Variants in KCNG3 observed in about 807,000 individuals in gnomAD.
KCNG3 encodes voltage-gated potassium channel regulatory subunit KCNG3.
KCNG3 carries 15 observed loss-of-function variants against 29.0 expected under a neutral mutation model. That is an observed-to-expected ratio of 0.52 (90% CI 0.35 to 0.80). The LOEUF (loss-of-function observed/expected upper bound fraction) is 0.80, where lower values mean the gene tolerates loss of function less well. KCNG3 is among the 30% of genes least tolerant of loss of function. The pLI is 0.01. For synonymous variants in KCNG3, 322 were observed against 248.9 expected (o/e 1.29, Z -2.76); for missense variants, 512 against 605.7 (o/e 0.85, Z 1.62).
At chr2:42,448,317 C>T (rs1017852571) in intron 1 of KCNG3, among the ~76,000 whole-genome samples, 1 of 151,812 alleles carries the variant, frequency 6.6e-6, no homozygotes, top group African/African-American at 2.4e-5. Flanking sequence ...AACTATAGCC[C>T]GGGGTCTAAA....
At chr2:42,407,024 T>TAA in the KCNG3 span, among the ~76,000 whole-genome samples, 2 of 150,678 alleles carry the variant, frequency 1.3e-5, no homozygotes, top group Non-Finnish European at 3.0e-5. Flanking sequence ...GGTCCACTGT[T>TAA]AAAAAAAAAC....
chr2:42,476,787 G>A (rs948393822), intron 1 of KCNG3, among the ~76,000 whole-genome samples: 13 of 151,398 alleles, frequency 8.6e-5, no homozygotes, highest in Non-Finnish European at 1.5e-5. Context: ...ACCATGCCCG[G>A]ACAAAATAAA....
chr2:42,396,207 T>C, the KCNG3 span, among the ~76,000 whole-genome samples: 3 of 152,200 alleles, frequency 2.0e-5, no homozygotes, highest in African/African-American at 7.2e-5. Context: ...TTTTGCATCA[T>C]TGCAAATTCA....
intron 1 of KCNG3, among the ~76,000 whole-genome samples, chr2:42,458,098 G>C (rs376559189): frequency 6.6e-6 from 1 of 152,048 alleles, no homozygotes; most frequent in Non-Finnish European, 1.5e-5. Flanking sequence ...TTCCTCACTT[G>C]ATACTATTTT....
downstream of KCNG3, among the ~76,000 whole-genome samples, chr2:42,439,222 T>C (rs941787327): frequency 2.1e-4 from 31 of 150,432 alleles, no homozygotes; most frequent in Non-Finnish European, 2.8e-4. Context: ...ATTTTTATTA[T>C]AAAAATAAAC....
In KCNG3 at chr2:42,493,761, C is replaced by T. The variant is rs2103622885; in HGVS notation, c.-260G>A. 3.2e-6 allele frequency: 1 copy of T among 313,166 alleles called. No homozygotes were observed. Among genetic ancestry groups the T allele is most frequent in the Admixed American group, 5.0e-5 (1 of 19,824 alleles). 19.4% of individuals were successfully genotyped at this position (313,166 alleles called of 1,614,324 possible). A position where few individuals can be genotyped will look rare whatever the true frequency, so the allele number is the denominator to read the frequency against. On this transcript the variant is annotated 5_prime_UTR_variant, in exon 1 of 2. Coordinates refer to ENST00000306078, the MANE Select transcript of KCNG3 (RefSeq NM_133329.6). ...CCTCGCCGGCGCCAGCGCTGAGCCC[C>T]ACCGGCTGGGAACGCGGCTGTGTCC...
intron 1 of KCNG3, among the ~76,000 whole-genome samples, chr2:42,458,515 T>C (rs866090014): frequency 2.6e-5 from 4 of 151,726 alleles, no homozygotes; most frequent in Non-Finnish European, 3.0e-5. Flanking sequence ...AAGGCAACAA[T>C]ACCTGTCCTG....
At position 42,455,744 on chromosome 2, in the gene KCNG3, A is replaced by C. The variant is rs564392767; in HGVS notation, c.666-11165T>G. ...TGACTGCTCCATTACACTCCAGACT[A>C]GGCAACAGACCAAAATCCTGTCTCT... is the stretch of plus-strand genomic sequence containing the variant. On this transcript the variant is annotated intron_variant, in intron 1 of 1. Coordinates refer to ENST00000306078, the MANE Select transcript of KCNG3 (RefSeq NM_133329.6). Among the ~76,000 whole-genome samples the C allele has an allele frequency of 2.0e-3, 307 of 152,256 alleles. 1 individual carries two copies. The highest frequency in any genetic ancestry group is 0.014 in the Middle Eastern group (4 of 294).
the KCNG3 span, among the ~76,000 whole-genome samples, chr2:42,429,881 G>C: frequency 6.6e-6 from 1 of 152,166 alleles, no homozygotes; most frequent in Non-Finnish European, 1.5e-5. Context: ...GACCCTGAGA[G>C]GCAGGAGGAA....
intron 1 of KCNG3, among the ~76,000 whole-genome samples, chr2:42,472,958 G>C (rs1174323817): frequency 6.9e-6 from 1 of 144,286 alleles, no homozygotes; most frequent in East Asian, 2.1e-4. Flanking sequence ...CTGGAGTGCA[G>C]TGGCGCAATC....
chr2:42,395,134 C>T, the KCNG3 span, among the ~76,000 whole-genome samples: 1 of 152,238 alleles, frequency 6.6e-6, no homozygotes, highest in Non-Finnish European at 1.5e-5. Flanking sequence ...CTCTCCAACT[C>T]CTCTAATTCA....
chr2:42,467,886 C>T (rs1477905686), intron 1 of KCNG3, among the ~76,000 whole-genome samples: 1 of 150,600 alleles, frequency 6.6e-6, no homozygotes, highest in Non-Finnish European at 1.5e-5. Flanking sequence ...GGGAGGATCA[C>T]CCGAGCCTGG....
At chr2:42,481,472 A>T (rs983818138) in intron 1 of KCNG3, among the ~76,000 whole-genome samples, 1 of 152,176 alleles carries the variant, frequency 6.6e-6, no homozygotes, top group Non-Finnish European at 1.5e-5. Context: ...CCACCCTTGC[A>T]GGACCCTGGA....
the KCNG3 span, among the ~76,000 whole-genome samples, chr2:42,400,946 C>G: frequency 2.0e-5 from 3 of 152,044 alleles, no homozygotes; most frequent in African/African-American, 7.2e-5. Flanking sequence ...TCTCTTCTCT[C>G]AGTCTGTCGT....
chr2:42,388,948 C>T, the KCNG3 span, among the ~76,000 whole-genome samples: 4 of 152,012 alleles, frequency 2.6e-5, no homozygotes, highest in Non-Finnish European at 5.9e-5. Context: ...GAGGGAGTCT[C>T]GCCCTGTCAC....
the KCNG3 span, among the ~76,000 whole-genome samples, chr2:42,394,316 C>T: frequency 1.8e-4 from 28 of 152,298 alleles, no homozygotes; most frequent in African/African-American, 6.7e-4. Flanking sequence ...GCCGACACCA[C>T]GGCACAGCAA....
chr2:42,451,865 A>G (rs532368306), intron 1 of KCNG3, among the ~76,000 whole-genome samples: 38 of 152,084 alleles, frequency 2.5e-4, no homozygotes, highest in African/African-American at 8.9e-4. Context: ...TTGCCACTAC[A>G]CTCCAGCCTG....
chr2:42,465,370 C>A (rs1673117935), intron 1 of KCNG3, among the ~76,000 whole-genome samples: 2 of 151,854 alleles, frequency 1.3e-5, no homozygotes, highest in Admixed American at 1.3e-4. Flanking sequence ...GTGTGCACCA[C>A]CACGCCCAAC....
At chr2:42,409,738 T>A in the KCNG3 span, among the ~76,000 whole-genome samples, 34,441 of 139,450 alleles carry the variant, frequency 0.25, 5,440 homozygotes, top group East Asian at 0.56. Context: ...AATTTTTTTT[T>A]AAATTATACA....
Sources: allele counts gnomAD v4.1 joint callset (sites outside exome capture counted in the v4.1 genomes callset), GRCh38; gene constraint gnomAD v4.1.1; transcripts MANE v1.5; gene names NCBI Gene and HGNC (gene_info 2026-07-23, HGNC 2026-07-21).